The following LRRIQ1 variants were observed in gnomAD, a reference collection of about 807,000 sequenced individuals.
LRRIQ1 encodes leucine-rich repeat- and IQ domain-containing protein 1.
Under a neutral mutation model 211.9 loss-of-function variants are expected in LRRIQ1, and 210 were observed. That is an observed-to-expected ratio of 0.99 (90% CI 0.89 to 1.11). LRRIQ1 has a LOEUF of 1.11. Ranked by LOEUF, LRRIQ1 falls within the 50% of genes most tolerant of loss-of-function variation. The pLI is 0.00. For missense variants in LRRIQ1, 2,136 were observed against 1,939.5 expected (o/e 1.10, Z -1.90); for synonymous variants, 699 against 650.1 (o/e 1.08, Z -1.14).
chr12:85,082,628 A>G (rs1054789012), intron 11 of LRRIQ1, among the ~76,000 whole-genome samples: 5 of 152,138 alleles, frequency 3.3e-5, no homozygotes, highest in African/African-American at 4.8e-5. Context: ...GTATACATCT[A>G]TGTCCCAGTT....
intron 18 of LRRIQ1, among the ~76,000 whole-genome samples, chr12:85,129,758 T>A (rs1025920004): frequency 6.6e-6 from 1 of 152,050 alleles, no homozygotes; most frequent in African/African-American, 2.4e-5. Flanking sequence ...AAGTCAAAGG[T>A]CTTATATGAT....
intron 24 of LRRIQ1, among the ~76,000 whole-genome samples, chr12:85,173,031 C>T (rs1592921723): frequency 6.6e-6 from 1 of 152,168 alleles, no homozygotes; most frequent in African/African-American, 2.4e-5. Context: ...ATCGCTTGAA[C>T]CTGGGAGGCA....
At chr12:85,261,167 A>G (rs1369167226) in intron 1 of LRRIQ1, among the ~76,000 whole-genome samples, 5 of 152,130 alleles carry the variant, frequency 3.3e-5, no homozygotes, top group Admixed American at 6.5e-5. Flanking sequence ...TAGTGTCTGT[A>G]GACATGAGCA....
At chr12:85,059,406 G>A (rs925952160) in intron 8 of LRRIQ1, among the ~76,000 whole-genome samples, 3 of 151,988 alleles carry the variant, frequency 2.0e-5, no homozygotes, top group Non-Finnish European at 4.4e-5. Context: ...AAAATCATCT[G>A]GCAACGTGGT....
At position 85,068,722 on chromosome 12, in the gene LRRIQ1, A is replaced by G. The variant is rs376921764; in HGVS notation, c.2695+1824A>G. 7.5e-4 allele frequency among the ~76,000 whole-genome samples: 113 copies of G among 150,668 alleles called. No individual in the cohort carries two copies. In the Middle Eastern group the frequency reaches 0.024, roughly 33 times the overall value. On this transcript the variant is annotated intron_variant, in intron 10 of 26. Transcript: ENST00000393217. ...TGGGTTTATTGGAATCATAACATCA[A>G]TGAGTATATATTACATTTATCTAGG...
At chr12:85,260,600 C>A (rs1183525490) in intron 1 of LRRIQ1, among the ~76,000 whole-genome samples, 2 of 152,232 alleles carry the variant, frequency 1.3e-5, no homozygotes, top group Admixed American at 1.3e-4. Context: ...GTTCATTACT[C>A]AGACACCCTT....
intron 8 of LRRIQ1, among the ~76,000 whole-genome samples, chr12:85,063,162 T>C (rs1592722532): frequency 6.6e-6 from 1 of 151,772 alleles, no homozygotes; most frequent in East Asian, 1.9e-4. Context: ...TGTTTACTCT[T>C]TTAATAGTTT....
At chr12:85,080,901 T>C (rs542639952) in intron 11 of LRRIQ1, among the ~76,000 whole-genome samples, 3 of 152,058 alleles carry the variant, frequency 2.0e-5, no homozygotes, top group Non-Finnish European at 4.4e-5. Context: ...AGACAGAGAA[T>C]ACTATGAAAA....
intron 15 of LRRIQ1, among the ~76,000 whole-genome samples, chr12:85,120,287 G>C (rs1051958449): frequency 6.6e-6 from 1 of 152,272 alleles, no homozygotes; most frequent in Non-Finnish European, 1.5e-5. Context: ...TTGTTGAAAA[G>C]ACCATCTTAG....
chr12:85,266,053 A>G (rs538459891), downstream of LRRIQ1, among the ~76,000 whole-genome samples: 1 of 152,234 alleles, frequency 6.6e-6, no homozygotes, highest in Non-Finnish European at 1.5e-5. Context: ...CTAGACCTTA[A>G]AGTGGCATAA....
intron 17 of LRRIQ1, among the ~76,000 whole-genome samples, chr12:85,125,672 C>G (rs1420312322): frequency 6.6e-6 from 1 of 152,056 alleles, no homozygotes; most frequent in Non-Finnish European, 1.5e-5. Flanking sequence ...TATGCTGAAA[C>G]TAACTTGTTT....
intron 24 of LRRIQ1, among the ~76,000 whole-genome samples, chr12:85,189,184 A>G (rs888649597): frequency 6.6e-6 from 1 of 152,152 alleles, no homozygotes; most frequent in Non-Finnish European, 1.5e-5. Context: ...AAAGCAGCCC[A>G]TTTCCAAGAA....
intron 5 of LRRIQ1, among the ~76,000 whole-genome samples, chr12:85,046,802 C>A (rs1879640220): frequency 6.6e-6 from 1 of 152,260 alleles, no homozygotes; most frequent in East Asian, 1.9e-4. Flanking sequence ...CACATATACA[C>A]CATGGAATAT....
Position 85,137,889 on chromosome 12 carries a change from A to G in LRRIQ1, c.4249A>G (p.Thr1417Ala). 1.3e-6 allele frequency: 2 copies of G among 1,591,970 alleles called. No homozygotes were observed. Among genetic ancestry groups the G allele is most frequent in the Non-Finnish European group, 8.6e-7 (1 of 1,168,000 alleles). ...CTTTATTTTGCGAAAGAAACTGACA[A>G]CAGCTCTAGAGGCTATTAAGAATGA... ...KGFILRKKLT[T>A]ALEAIKNEES... Residue 1417 changes from threonine to alanine, a missense_variant, in exon 19 of 27, where the codon ACA becomes GCA. Physicochemically the swap from Thr to Ala is moderately conservative, Grantham distance 58 (BLOSUM62 0). Coordinates refer to ENST00000393217, the MANE Select transcript of LRRIQ1 (RefSeq NM_001079910.2).
chr12:85,040,048 A>G (rs536857283), intron 2 of LRRIQ1, among the ~76,000 whole-genome samples: 88 of 151,728 alleles, frequency 5.8e-4, no homozygotes, highest in Non-Finnish European at 1.1e-3. Flanking sequence ...AAATTTGTGT[A>G]TGATAATCAC....
At position 85,044,810 on chromosome 12, in the gene LRRIQ1, G is replaced by T. The variant is rs964111807; in HGVS notation, c.336+1G>T. 4.0e-5 allele frequency: 54 copies of T among 1,347,218 alleles called. No homozygotes were observed. Among genetic ancestry groups the T allele is most frequent in the Non-Finnish European group, 5.6e-5 (53 of 952,744 alleles). 83.5% of individuals were successfully genotyped at this position (1,347,218 alleles called of 1,614,324 possible). A position where few individuals can be genotyped will look rare whatever the true frequency, so the allele number is the denominator to read the frequency against. ...AGAAAGTTCAGAGCAATTAATTAAG[G>T]TATATATTCAATATTTGACTTAAAA... On this transcript the variant is annotated splice_donor_variant, in intron 4 of 26. Transcript: ENST00000393217. LOFTEE classifies it high-confidence loss of function.
chr12:85,160,818 TAAAG>T (rs903601161), intron 24 of LRRIQ1, 104 bp downstream of exon 24: 6 of 484,412 alleles, frequency 1.2e-5, no homozygotes, highest in African/African-American at 8.0e-5. Context: ...AGTATATATA[TAAAG>T]AATTATGTAT....
intron 18 of LRRIQ1, 133 bp downstream of exon 18, chr12:85,128,166 A>T: frequency 1.3e-6 from 1 of 777,388 alleles, no homozygotes; most frequent in South Asian, 1.8e-5. Flanking sequence ...TTCAAGTGAC[A>T]TGTTGGCTGC....
In LRRIQ1 at chr12:85,253,546, A is replaced by T. The variant is rs920169666; in HGVS notation, c.121+8637A>T. On this transcript the variant is annotated intron_variant, in intron 1 of 1. Transcript: ENST00000602731. Reference sequence around the variant, plus strand: ...GTCTCTTGCCAGCCAGAACCACAACATTCTCATTATAGTGTCTTCTCATTA... The same window carrying T: ...GTCTCTTGCCAGCCAGAACCACAACTTTCTCATTATAGTGTCTTCTCATTA... Among the ~76,000 whole-genome samples, 5 of 152,054 alleles carry T rather than the reference A, an allele frequency of 3.3e-5. 2 individuals carry two copies. The South Asian group carries it at 1.0e-3, about 31-fold the overall frequency.
Sources: gnomAD v4.1 joint callset for allele counts (sites outside exome capture counted in the v4.1 genomes callset) on GRCh38, gnomAD v4.1.1 for gene constraint, MANE v1.5 for transcripts, NCBI Gene and HGNC (gene_info 2026-07-23, HGNC 2026-07-21) for gene names.